Variants in PDE1A observed in about 807,000 individuals in gnomAD.
PDE1A encodes the protein phosphodiesterase 1A.
Under a neutral mutation model 61.7 loss-of-function variants are expected in PDE1A, and 35 were observed. The observed-to-expected ratio is 0.57, with a 90% confidence interval of 0.43 to 0.75. The LOEUF (loss-of-function observed/expected upper bound fraction) is 0.75, where lower values mean the gene tolerates loss of function less well. PDE1A is among the 30% of genes least tolerant of loss of function. PDE1A has a pLI of 0.00. For synonymous variants in PDE1A, 232 were observed against 213.2 expected, an observed-to-expected ratio of 1.09 and a Z score of -0.77; for missense variants, 597 against 630.6, an observed-to-expected ratio of 0.95 and a Z score of 0.57.
intron 1 of PDE1A, among the ~76,000 whole-genome samples, chr2:182,354,374 C>A (rs833152): frequency 0.64 from 96,943 of 151,980 alleles, 31,502 homozygotes; most frequent in East Asian, 0.96. Flanking sequence ...CCTATCAATC[C>A]TGTAGTTTCC....
chr2:182,657,328 T>A, the PDE1A span, among the ~76,000 whole-genome samples: 2 of 152,248 alleles, frequency 1.3e-5, no homozygotes, highest in Non-Finnish European at 2.9e-5. Context: ...AGACATACAT[T>A]TTATTGTCCT....
the PDE1A span, among the ~76,000 whole-genome samples, chr2:182,636,108 A>G: frequency 9.9e-5 from 15 of 151,336 alleles, no homozygotes; most frequent in Admixed American, 4.6e-4. Context: ...GGTGCCCGCC[A>G]CCGTGCCCGG....
At chr2:182,661,783 G>T in the PDE1A span, among the ~76,000 whole-genome samples, 1 of 151,998 alleles carries the variant, frequency 6.6e-6, no homozygotes, top group African/African-American at 2.4e-5. Flanking sequence ...ATAATTTTAA[G>T]AAATATCCTT....
At chr2:182,224,107 T>C in intron 6 of PDE1A, 143 bp from the exon 7 acceptor site, 1 of 588,462 alleles carries the variant, frequency 1.7e-6, no homozygotes, top group Non-Finnish European at 2.9e-6. Context: ...CTATTTTACC[T>C]CCACTAATTG....
At chr2:182,440,790 T>G (rs543756917) in intron 2 of PDE1A, among the ~76,000 whole-genome samples, 65 of 43,296 alleles carry the variant, frequency 1.5e-3, no homozygotes, top group East Asian at 0.015. Flanking sequence ...TTTTCATGGG[T>G]TTTTTTTTGC....
At chr2:182,612,039 C>T in the PDE1A span, among the ~76,000 whole-genome samples, 5 of 152,172 alleles carry the variant, frequency 3.3e-5, no homozygotes, top group Non-Finnish European at 7.3e-5. Flanking sequence ...GACAAAGTGT[C>T]AACTCAAATA....
chr2:182,185,746 G>A, intron 13 of PDE1A, 146 bp downstream of exon 13: 2 of 1,445,690 alleles, frequency 1.4e-6, no homozygotes, highest in South Asian at 1.3e-5. Flanking sequence ...ACTTTCTCAT[G>A]AATGATCAAA....
At chr2:182,582,491 A>G in the PDE1A span, among the ~76,000 whole-genome samples, 1 of 152,244 alleles carries the variant, frequency 6.6e-6, no homozygotes, top group East Asian at 1.9e-4. Context: ...GGCACTACAG[A>G]AACAGGAATT....
At chr2:182,618,262 C>A in the PDE1A span, among the ~76,000 whole-genome samples, 1 of 152,106 alleles carries the variant, frequency 6.6e-6, no homozygotes, top group East Asian at 1.9e-4. Context: ...ATTATAGTGT[C>A]ATAAATTTTC....
chr2:182,522,183 G>A (rs1298162572), intron 2 of PDE1A: 6 of 1,015,558 alleles, frequency 5.9e-6, no homozygotes, highest in Non-Finnish European at 9.0e-6. Context: ...CTTTCTAAAG[G>A]AAACTAGCCC....
the PDE1A span, among the ~76,000 whole-genome samples, chr2:182,660,146 A>T: frequency 6.6e-6 from 1 of 152,248 alleles, no homozygotes; most frequent in Non-Finnish European, 1.5e-5. Flanking sequence ...CAGCTACTGA[A>T]GGGCACATGA....
chr2:182,401,799 C>T (rs1439676054), intron 1 of PDE1A, among the ~76,000 whole-genome samples: 2 of 152,220 alleles, frequency 1.3e-5, no homozygotes, highest in Non-Finnish European at 2.9e-5. Context: ...CTCAAAATCT[C>T]CTTAAGCTGA....
intron 1 of PDE1A, among the ~76,000 whole-genome samples, chr2:182,276,986 G>C (rs1023767677): frequency 6.6e-6 from 1 of 151,992 alleles, no homozygotes; most frequent in Non-Finnish European, 1.5e-5. Flanking sequence ...GCTCTCGAAC[G>C]CTGTTTTCTG....
intron 1 of PDE1A, among the ~76,000 whole-genome samples, chr2:182,268,355 A>G (rs1455196734): frequency 2.0e-5 from 3 of 152,094 alleles, no homozygotes; most frequent in Admixed American, 6.6e-5. Context: ...AGGGCTGTGT[A>G]AAAGAATAAA....
intron 13 of PDE1A, among the ~76,000 whole-genome samples, chr2:182,171,658 G>A (rs1030929667): frequency 2.6e-5 from 4 of 151,552 alleles, no homozygotes; most frequent in East Asian, 1.9e-4. Context: ...TTGGAGCGGG[G>A]CTAATTATTG....
chr2:182,690,651 T>C, the PDE1A span, among the ~76,000 whole-genome samples: 5 of 152,146 alleles, frequency 3.3e-5, no homozygotes, highest in African/African-American at 1.2e-4. Flanking sequence ...ACCACTCCTA[T>C]TCAACATAGT....
At chr2:182,206,771 C>T (rs1234513227) in intron 7 of PDE1A, among the ~76,000 whole-genome samples, 2 of 152,114 alleles carry the variant, frequency 1.3e-5, no homozygotes, top group African/African-American at 4.8e-5. Context: ...GGCAGACTTC[C>T]CCCATGCTGT....
At chr2:182,411,903 C>A (rs865792171) in intron 1 of PDE1A, among the ~76,000 whole-genome samples, 1 of 151,768 alleles carries the variant, frequency 6.6e-6, no homozygotes, top group African/African-American at 2.4e-5. Flanking sequence ...ACTAAAAATA[C>A]AAAAATTAGC....
chr2:182,524,035 T>C (rs1574856095), upstream of PDE1A, among the ~76,000 whole-genome samples: 1 of 152,328 alleles, frequency 6.6e-6, no homozygotes, highest in African/African-American at 2.4e-5. Flanking sequence ...CTGAATGTAA[T>C]GTCTTTAGCT....
Sources: allele counts gnomAD v4.1 joint callset (sites outside exome capture counted in the v4.1 genomes callset), GRCh38; gene constraint gnomAD v4.1.1; transcripts MANE v1.5; gene names NCBI Gene and HGNC (gene_info 2026-07-23, HGNC 2026-07-21).